MEGF8: variants seen among roughly 807,000 people sequenced by gnomAD.
The protein encoded by MEGF8 is multiple epidermal growth factor-like domains protein 8.
MEGF8 carries 156 observed loss-of-function variants against 302.9 expected under a neutral mutation model. The observed-to-expected ratio is 0.52, with a 90% CI of 0.45 to 0.59. MEGF8 has a LOEUF of 0.59. MEGF8 is among the 20% of genes least tolerant of loss of function. The pLI is 0.00. For missense variants in MEGF8, 3,345 were observed against 3,964.5 expected (o/e 0.84, Z 4.20); for synonymous variants, 1,621 against 1,660.5 (o/e 0.98, Z 0.58).
At chr19:42,327,845 A>G (rs774322138) in intron 1 of MEGF8, among the ~76,000 whole-genome samples, 90 of 152,364 alleles carry the variant, frequency 5.9e-4, no homozygotes, top group Admixed American at 1.2e-3. Context: ...CTGTAATCCC[A>G]GCACTTTGGG....
At chr19:42,362,013 G>T (rs1568572573) in intron 32 of MEGF8, 77 bp from the exon 33 acceptor site, 6 of 1,564,394 alleles carry the variant, frequency 3.8e-6, no homozygotes, top group Non-Finnish European at 3.5e-6. Flanking sequence ...AGGGTTGGGG[G>T]CCTGCAGGAC....
At chr19:42,333,841 A>G (rs1387469223) in intron 2 of MEGF8, 73 bp downstream of exon 2, 1 of 1,580,470 alleles carries the variant, frequency 6.3e-7, no homozygotes, top group Admixed American at 1.7e-5. Flanking sequence ...AGAGTCAGTA[A>G]GAGGGCATCC....
intron 41 of MEGF8, among the ~76,000 whole-genome samples, 168 bp downstream of exon 41, chr19:42,371,650 G>A (rs752217617): frequency 1.3e-5 from 2 of 152,192 alleles, no homozygotes; most frequent in Admixed American, 6.5e-5. Context: ...TCAGTTACAG[G>A]CCCTAGGCAG....
rs780901983 is a variant in MEGF8 at position 42,376,268 on chromosome 19, C to G, written c.8031C>G (p.Asp2677Glu). 5 of 1,611,544 alleles carry G rather than the reference C, an allele frequency of 3.1e-6. No individual in the cohort carries two copies. Among genetic ancestry groups the G allele is most frequent in the Admixed American group, 1.7e-5 (1 of 59,594 alleles). ...VLLWKAKQAL[D>E]QRQEQRRHLQ... ...TCTGGAAGGCCAAGCAGGCTCTGGA[C>G]CAGCGGCAGGAGCAGCGCCGGCACT... The change falls in exon 42 of 42, where the codon GAC becomes GAG. Residue 2677 changes from aspartate to glutamate, a missense_variant. Coordinates refer to ENST00000251268, the MANE Select transcript of MEGF8 (RefSeq NM_001271938.2). This position sits in a 1 kb window ranked among gnomAD's most constrained non-coding sequence, Gnocchi z 8.2.
Position 42,360,768 on chromosome 19 carries a change from T to C in MEGF8, c.5489-7T>C. On this transcript the variant is annotated splice_polypyrimidine_tract_variant and splice_region_variant and intron_variant, in intron 31 of 41. Transcript: ENST00000251268. ...TCTATCTGTCTGAATACACCATCTT[T>C]CCTCAGGCTCGGCCTCTGTGGGGCC... 6.4e-7 allele frequency: 1 copy of C among 1,567,936 alleles called. No homozygotes were observed.
rs1182907814 is a variant in MEGF8, at chr19:42,376,575, G to A, written c.8338G>A (p.Val2780Met). 1.9e-6 allele frequency: 3 copies of A among 1,552,478 alleles called. No homozygotes were observed. Among genetic ancestry groups the A allele is most frequent in the Non-Finnish European group, 2.6e-6 (3 of 1,150,984 alleles). The change falls in exon 42 of 42, where the codon GTG (valine) becomes ATG (methionine). Residue 2780 changes from valine to methionine, a missense_variant. Physicochemically the swap from Val to Met is conservative, Grantham distance 21. Coordinates refer to ENST00000251268, the MANE Select transcript of MEGF8 (RefSeq NM_001271938.2). The surrounding 1 kb of genome is among the most constrained non-coding windows in gnomAD (Gnocchi z 8.2). Reference sequence around the variant, plus strand: ...GCCCACAGAAGATGGCATGGCTGGCGTGGCCACACTGCTGCTCCAGCTGCC... The same window carrying A: ...GCCCACAGAAGATGGCATGGCTGGCATGGCCACACTGCTGCTCCAGCTGCC... ...LEPTEDGMAG[V>M]ATLLLQLPGG...
chr19:42,338,008 G>A (rs994902088), intron 8 of MEGF8, among the ~76,000 whole-genome samples: 2 of 152,010 alleles, frequency 1.3e-5, no homozygotes, highest in Non-Finnish European at 2.9e-5. Context: ...GTTTCATCAT[G>A]TTGGCCAGGC....
intron 35 of MEGF8, among the ~76,000 whole-genome samples, chr19:42,365,854 T>TGGGTGGA (rs1442363393): frequency 7.7e-6 from 1 of 130,292 alleles, no homozygotes. Flanking sequence ...GAGGCTGAGG[T>TGGGTGGA]GGGTGGATCG....
intron 12 of MEGF8, among the ~76,000 whole-genome samples, chr19:42,346,424 C>G (rs1261509241): frequency 1.3e-5 from 2 of 152,190 alleles, no homozygotes; most frequent in East Asian, 1.9e-4. Flanking sequence ...TGCCTGTAAT[C>G]CCAGCACTTT....
At chr19:42,331,653 T>G (rs1461433010) in intron 1 of MEGF8, among the ~76,000 whole-genome samples, 1 of 151,740 alleles carries the variant, frequency 6.6e-6, no homozygotes, top group Non-Finnish European at 1.5e-5. Context: ...CACTGTAACC[T>G]CTGCCTCCCG....
Position 42,351,209 on chromosome 19 carries a change from C to T in MEGF8, c.2737-7C>T. On this transcript the variant is annotated splice_polypyrimidine_tract_variant and splice_region_variant and intron_variant, in intron 15 of 41. Transcript: ENST00000251268. This position sits in a 1 kb window ranked among gnomAD's most constrained non-coding sequence, Gnocchi z 5.6. Reference sequence around the variant, plus strand: ...GGTTCTGACTCCTCTGCCCAACTGACCCCCAGGACCCCTTCTGTGAGTGGC... The same window carrying T: ...GGTTCTGACTCCTCTGCCCAACTGATCCCCAGGACCCCTTCTGTGAGTGGC... 2 of 1,554,358 alleles carry T rather than the reference C, an allele frequency of 1.3e-6. No individual in the cohort carries two copies. The highest frequency in any genetic ancestry group is 1.7e-6 in the Non-Finnish European group (2 of 1,148,900).
At position 42,369,797 on chromosome 19, in the gene MEGF8, G is replaced by C. The variant is rs569637886; in HGVS notation, c.6834+74G>C. ...ACTTGCCTTCATCCCACGCTCAGGC[G>C]GCTCGCATCTCATCCTGAGCCCTGA... On this transcript the variant is annotated intron_variant, in intron 38 of 41. Transcript: ENST00000251268. The surrounding 1 kb of genome is among the most constrained non-coding windows in gnomAD (Gnocchi z 5.7). The C allele has an allele frequency of 6.9e-7, 1 of 1,447,520 alleles. No homozygotes were observed. The highest frequency in any genetic ancestry group is 9.3e-7 in the Non-Finnish European group (1 of 1,076,774). The allele number at this position is 1,447,520 out of a possible 1,614,324, so 89.7% of individuals were successfully genotyped here.
In MEGF8 at chr19:42,353,438, CTG is replaced by C. The variant is rs1257104474; in HGVS notation, c.3551-25_3551-24del. Reference sequence around the variant, plus strand: ...GCCTGTTTCCACCCTTGACTTGACTCTGTCCCACCTGCTGGGGCCTCCACAGA... The same window carrying C: ...GCCTGTTTCCACCCTTGACTTGACTCTCCCACCTGCTGGGGCCTCCACAGA... On this transcript the variant is annotated intron_variant, in intron 20 of 41. Coordinates refer to ENST00000251268, the MANE Select transcript of MEGF8 (RefSeq NM_001271938.2). This position sits in a 1 kb window ranked among gnomAD's most constrained non-coding sequence, Gnocchi z 6.1. 12 of 1,604,862 alleles carry C rather than the reference CTG, an allele frequency of 7.5e-6. No homozygotes were observed. Among genetic ancestry groups the C allele is most frequent in the Non-Finnish European group, 1.0e-5 (12 of 1,177,002 alleles).
At position 42,351,316 on chromosome 19, in the gene MEGF8, G is replaced by A. The variant is rs1298736847; in HGVS notation, c.2837G>A (p.Cys946Tyr). 18 of 1,568,248 alleles carry A rather than the reference G, an allele frequency of 1.1e-5. No homozygotes were observed. Among genetic ancestry groups the A allele is most frequent in the Non-Finnish European group, 1.6e-5 (18 of 1,156,262 alleles). ...GGTGCCCTGAAGAGTCCAGAGGAGT[G>A]TCCCCCGCTCTGCAGCCAGTGAGTC... The part of the protein sequence containing the change: ...GRGALKSPEE[C>Y]PPLCSQRLTC... Residue 946 changes from cysteine (C) to tyrosine (Y), a missense_variant, in exon 16 of 42, where the codon TGT (cysteine) becomes TAT (tyrosine). Physicochemically the swap from Cys to Tyr is radical, Grantham distance 194 (BLOSUM62 -2). Coordinates refer to ENST00000251268, the MANE Select transcript of MEGF8 (RefSeq NM_001271938.2). The surrounding 1 kb of genome is among the most constrained non-coding windows in gnomAD (Gnocchi z 5.6).
In MEGF8 at chr19:42,335,286, C is replaced by A. The variant is rs1288422965; in HGVS notation, c.740-11C>A. 6.2e-7 allele frequency: 1 copy of A among 1,614,036 alleles called. No individual in the cohort carries two copies. Among genetic ancestry groups the A allele is most frequent in the Non-Finnish European group, 8.5e-7 (1 of 1,179,864 alleles). On this transcript the variant is annotated splice_polypyrimidine_tract_variant and intron_variant, in intron 4 of 41. Transcript: ENST00000251268. ...TATGGCCAGGGCATGAGACTATCCA[C>A]CCCTCCACAGGCCAGGACCTCAACA...
chr19:42,350,216 C>T lies in MEGF8; in HGVS notation c.2568C>T (p.Gly856=). The T allele has an allele frequency of 6.2e-7, 1 of 1,613,548 alleles. No individual in the cohort carries two copies. The highest frequency in any genetic ancestry group is 8.5e-7 in the Non-Finnish European group (1 of 1,179,880). ...SSCTSYSSCL[G]CLADQGCGWC... ...GCACCTCCTATTCTTCCTGCCTGGG[C>T]TGCTTGGCAGACCAGGGCTGTGGCT... is the stretch of plus-strand genomic sequence containing the variant. Residue 856 remains glycine (G), a synonymous_variant, in exon 15 of 42, where the codon GGC becomes GGT. Coordinates refer to ENST00000251268, the MANE Select transcript of MEGF8 (RefSeq NM_001271938.2).
At position 42,358,915 on chromosome 19, in the gene MEGF8, A is replaced by T; in HGVS notation, c.5304A>T (p.Thr1768=). The change falls in exon 30 of 42, where the codon ACA becomes ACT. Residue 1768 remains threonine, a synonymous_variant. Transcript: ENST00000251268. The surrounding 1 kb of genome is among the most constrained non-coding windows in gnomAD (Gnocchi z 4.4). ...CTCTGTGGGCTGCTCTTGCTGGTAC[A>T]GGAGGTTTCCTGGAGGAAATCTCAC... is the stretch of plus-strand genomic sequence containing the variant. ...KMALWAALAG[T]GGFLEEISPH... 1 of 1,611,756 alleles carries T rather than the reference A, an allele frequency of 6.2e-7. No individual in the cohort carries two copies. The highest frequency in any genetic ancestry group is 8.5e-7 in the Non-Finnish European group (1 of 1,179,140).
At position 42,353,968 on chromosome 19, in the gene MEGF8, A is replaced by T; in HGVS notation, c.3955A>T (p.Thr1319Ser). ...TEELQPCAPG[T>S]LCPPLTLTFS... ...GGAGCTACAGCCCTGTGCTCCCGGG[A>T]CCCTCTGTCCCCCACTCACCCTCAC... Residue 1319 changes from threonine (T) to serine (S), a missense_variant, in exon 22 of 42, where the codon ACC (threonine) becomes TCC (serine). Thr to Ser is a moderately conservative substitution (Grantham distance 58). Coordinates refer to ENST00000251268, the MANE Select transcript of MEGF8 (RefSeq NM_001271938.2). This position sits in a 1 kb window ranked among gnomAD's most constrained non-coding sequence, Gnocchi z 6.1. 6.3e-7 allele frequency: 1 copy of T among 1,581,762 alleles called. No individual in the cohort carries two copies. The highest frequency in any genetic ancestry group is 1.2e-5 in the South Asian group (1 of 86,456).
Position 42,356,817 on chromosome 19 carries a change from G to C in MEGF8, c.4666G>C (p.Ala1556Pro). 1 of 1,556,946 alleles carries C rather than the reference G, an allele frequency of 6.4e-7. No homozygotes were observed. Among genetic ancestry groups the C allele is most frequent in the Non-Finnish European group, 8.7e-7 (1 of 1,150,452 alleles). The change falls in exon 27 of 42, where the codon GCC (alanine) becomes CCC (proline). Residue 1556 changes from alanine (A) to proline (P), a missense_variant. Ala to Pro is a conservative substitution (Grantham distance 27). Coordinates refer to ENST00000251268, the MANE Select transcript of MEGF8 (RefSeq NM_001271938.2). This position sits in a 1 kb window ranked among gnomAD's most constrained non-coding sequence, Gnocchi z 5.2. ...ERRWTQMLAG[A>P]EDGGPGPSPR... Reference sequence around the variant, plus strand: ...GCGGTGGACACAGATGCTGGCGGGAGCCGAGGACGGGGGCCCAGGCCCATC... The same window carrying C: ...GCGGTGGACACAGATGCTGGCGGGACCCGAGGACGGGGGCCCAGGCCCATC...
Sources: gnomAD v4.1 joint callset for allele counts (sites outside exome capture counted in the v4.1 genomes callset) on GRCh38, gnomAD v4.1.1 for gene constraint, Gnocchi (gnomAD v3.1) non-coding constraint, MANE v1.5 for transcripts, NCBI Gene and HGNC (gene_info 2026-07-23, HGNC 2026-07-21) for gene names.